CWC27: variants seen among roughly 807,000 people sequenced by gnomAD.
CWC27 encodes spliceosome-associated protein CWC27 homolog.
In CWC27, 47 loss-of-function variants were observed where a neutral mutation model predicts 63.6. That is an observed-to-expected ratio of 0.74 (90% confidence interval 0.58 to 0.94). The LOEUF (loss-of-function observed/expected upper bound fraction) is 0.94, where lower values mean the gene tolerates loss of function less well. Among genes scored for constraint, CWC27 ranks in the 40% least tolerant of loss-of-function variants. The probability of loss-of-function intolerance (pLI) is 0.00; values close to 1 mark genes in which losing one functional copy is unlikely to be tolerated. For missense variants in CWC27, 495 were observed against 554.3 expected (o/e 0.89, Z 1.07); for synonymous variants, 175 against 179.8 (o/e 0.97, Z 0.22).
chr5:64,885,698 G>GTGTGTGTGTGTGTGTGTGT, intron 11 of CWC27, 152 bp downstream of exon 11: 2 of 259,616 alleles, frequency 7.7e-6, no homozygotes, highest in Non-Finnish European at 1.4e-5. Flanking sequence ...CTTGAGTTAG[G>GTGTGTGTGTGTGTGTGTGT]GTGTGTGTGT....
intron 10 of CWC27, among the ~76,000 whole-genome samples, chr5:64,811,361 T>TA (rs1457725249): frequency 2.0e-5 from 3 of 152,074 alleles, no homozygotes; most frequent in African/African-American, 7.2e-5. Flanking sequence ...GACCAGATAG[T>TA]AAAAAATCAG....
intron 10 of CWC27, chr5:64,807,829 T>G (rs1383074504): frequency 8.5e-6 from 13 of 1,531,732 alleles, no homozygotes; most frequent in Non-Finnish European, 1.0e-5. Flanking sequence ...TCAACCCGTA[T>G]TTCTTTCTCT....
chr5:64,780,699 G>GCA (rs143721735), intron 2 of CWC27, among the ~76,000 whole-genome samples: 119,987 of 148,086 alleles, frequency 0.81, 50,289 homozygotes, highest in East Asian at 0.97. Context: ...GCACACGCGC[G>GCA]CACACACACA....
At chr5:64,852,711 G>A (rs1746165637) in intron 10 of CWC27, among the ~76,000 whole-genome samples, 1 of 151,702 alleles carries the variant, frequency 6.6e-6, no homozygotes. Flanking sequence ...GACCTCAGGT[G>A]ATCTGTTTGC....
chr5:64,885,586 C>G (rs1420421841), intron 11 of CWC27, 40 bp downstream of exon 11: 1 of 1,424,178 alleles, frequency 7.0e-7, no homozygotes, highest in Non-Finnish European at 9.7e-7. Context: ...ACTTGATACT[C>G]CTCCTTCTCT....
chr5:64,882,725 C>T (rs1746972390), intron 10 of CWC27, among the ~76,000 whole-genome samples: 3 of 152,128 alleles, frequency 2.0e-5, no homozygotes, highest in Admixed American at 2.0e-4. Context: ...TCCCGAATAG[C>T]TGGGAGTACA....
chr5:64,945,873 G>A (rs139226260), intron 11 of CWC27, among the ~76,000 whole-genome samples: 51 of 152,236 alleles, frequency 3.4e-4, no homozygotes, highest in African/African-American at 1.2e-3. Context: ...CCTGTCATTT[G>A]AATGAAAAAG....
chr5:64,773,619 G>T (rs1226337093), intron 1 of CWC27, among the ~76,000 whole-genome samples: 1 of 152,134 alleles, frequency 6.6e-6, no homozygotes. Flanking sequence ...GATTGTGATG[G>T]TCACAAATTA....
intron 11 of CWC27, among the ~76,000 whole-genome samples, chr5:64,898,243 T>C (rs1436874856): frequency 6.6e-6 from 1 of 152,144 alleles, no homozygotes; most frequent in African/African-American, 2.4e-5. Context: ...GCCATAGCAG[T>C]ACTTATAAGC....
At chr5:64,856,183 T>A (rs1746253613) in intron 10 of CWC27, among the ~76,000 whole-genome samples, 1 of 152,128 alleles carries the variant, frequency 6.6e-6, no homozygotes, top group African/African-American at 2.4e-5. Context: ...GGGCCAATTT[T>A]ATCACTAGCA....
intron 10 of CWC27, among the ~76,000 whole-genome samples, chr5:64,834,606 A>C (rs1333975398): frequency 6.6e-6 from 1 of 151,710 alleles, no homozygotes; most frequent in Non-Finnish European, 1.5e-5. Context: ...AGCGATTTCC[A>C]AGCATTTATC....
At chr5:64,979,345 T>G (rs1299389557) in intron 13 of CWC27, among the ~76,000 whole-genome samples, 1 of 152,218 alleles carries the variant, frequency 6.6e-6, no homozygotes, top group Non-Finnish European at 1.5e-5. Context: ...CCAGAATGTT[T>G]TTGGTATTTG....
intron 10 of CWC27, among the ~76,000 whole-genome samples, chr5:64,825,362 T>C (rs1418735960): frequency 1.3e-5 from 2 of 152,178 alleles, no homozygotes; most frequent in East Asian, 3.8e-4. Flanking sequence ...AGGTCTCAAC[T>C]TCTGTGAAAG....
intron 11 of CWC27, among the ~76,000 whole-genome samples, chr5:64,964,976 G>T (rs1203972280): frequency 6.6e-6 from 1 of 152,144 alleles, no homozygotes; most frequent in Non-Finnish European, 1.5e-5. Flanking sequence ...CTCAAAGATA[G>T]TTGCAGATAA....
At chr5:64,857,718 G>A (rs1407249815) in intron 10 of CWC27, among the ~76,000 whole-genome samples, 1 of 152,046 alleles carries the variant, frequency 6.6e-6, no homozygotes, top group East Asian at 1.9e-4. Flanking sequence ...GTTTTCTTCT[G>A]GATTTAATAA....
chr5:64,967,899 ATT>A (rs1371143515), intron 11 of CWC27, among the ~76,000 whole-genome samples: 1 of 152,032 alleles, frequency 6.6e-6, no homozygotes, highest in Non-Finnish European at 1.5e-5. Context: ...GTGATATGAA[ATT>A]TAAATATTGA....
At position 64,853,651 on chromosome 5, in the gene CWC27, A is replaced by G. The variant is rs1746188968; in HGVS notation, c.939-31792A>G. 3.9e-5 allele frequency among the ~76,000 whole-genome samples: 6 copies of G among 152,138 alleles called. No individual in the cohort carries two copies. In the South Asian group the frequency reaches 1.2e-3, roughly 31 times the overall value. ...TTCGGGTGAAGTCCTCAGGAAGCTT[A>G]CAATTATGGTGGAAGGTGATGGGGA... On this transcript the variant is annotated intron_variant, in intron 10 of 13. Transcript: ENST00000381070.
At chr5:64,867,943 G>T (rs926962488) in intron 10 of CWC27, among the ~76,000 whole-genome samples, 1 of 151,464 alleles carries the variant, frequency 6.6e-6, no homozygotes, top group Non-Finnish European at 1.5e-5. Context: ...GTGTTTGGGG[G>T]GGGGGCTGTT....
chr5:64,868,547 G>A (rs1171510825), intron 10 of CWC27, among the ~76,000 whole-genome samples: 1 of 151,994 alleles, frequency 6.6e-6, no homozygotes, highest in Non-Finnish European at 1.5e-5. Context: ...TTCTCAAGGT[G>A]TAGGCCCCAC....
Sources: allele counts gnomAD v4.1 joint callset (sites outside exome capture counted in the v4.1 genomes callset), GRCh38; gene constraint gnomAD v4.1.1; transcripts MANE v1.5; gene names NCBI Gene and HGNC (gene_info 2026-07-23, HGNC 2026-07-21).